Variants in PIP4K2A observed in about 807,000 individuals in gnomAD.
PIP4K2A encodes the protein phosphatidylinositol 5-phosphate 4-kinase type-2 alpha.
In PIP4K2A, 14 loss-of-function variants were observed where a neutral mutation model predicts 42.9. That is an observed-to-expected ratio of 0.33 (90% CI 0.22 to 0.51). PIP4K2A has a LOEUF of 0.51. PIP4K2A is among the 20% of genes least tolerant of loss of function. The pLI, the probability that PIP4K2A is intolerant of heterozygous loss-of-function variation, is 0.97. For missense variants in PIP4K2A, 434 were observed against 519.8 expected, an observed-to-expected ratio of 0.83 and a Z score of 1.61; for synonymous variants, 192 against 192.2, an observed-to-expected ratio of 1.00 and a Z score of 0.01.
intron 1 of PIP4K2A, among the ~76,000 whole-genome samples, chr10:22,666,857 T>G (rs924356111): frequency 6.6e-6 from 1 of 152,230 alleles, no homozygotes; most frequent in African/African-American, 2.4e-5. Context: ...AGGAATAATA[T>G]ACCAATATAG....
chr10:22,701,668 A>G (rs1241903515), intron 1 of PIP4K2A, among the ~76,000 whole-genome samples: 1 of 152,240 alleles, frequency 6.6e-6, no homozygotes, highest in East Asian at 1.9e-4. Flanking sequence ...TTCTGCTGAC[A>G]GGGTTATTCA....
intron 7 of PIP4K2A, among the ~76,000 whole-genome samples, chr10:22,544,947 C>T (rs2130748637): frequency 6.6e-6 from 1 of 152,338 alleles, no homozygotes; most frequent in Middle Eastern, 3.4e-3. Flanking sequence ...GCACACTCCT[C>T]CCCAGTGACA....
chr10:22,606,773 A>G (rs542851104), intron 3 of PIP4K2A, among the ~76,000 whole-genome samples: 2 of 152,366 alleles, frequency 1.3e-5, no homozygotes, highest in South Asian at 2.1e-4. Context: ...TTGAGGGCAG[A>G]TTAGGACTAG....
At chr10:22,629,315 T>C (rs1838504815) in intron 1 of PIP4K2A, among the ~76,000 whole-genome samples, 1 of 152,214 alleles carries the variant, frequency 6.6e-6, no homozygotes, top group African/African-American at 2.4e-5. Flanking sequence ...ACTTGCATTC[T>C]TTTCAAAAAT....
chr10:22,670,633 T>C (rs1839430077), intron 1 of PIP4K2A, among the ~76,000 whole-genome samples: 1 of 152,218 alleles, frequency 6.6e-6, no homozygotes. Flanking sequence ...TTCCATAATA[T>C]GTTATTTACA....
chr10:22,639,926 G>A (rs751913016), intron 1 of PIP4K2A, among the ~76,000 whole-genome samples: 4 of 149,620 alleles, frequency 2.7e-5, no homozygotes, highest in Non-Finnish European at 5.9e-5. Context: ...CCAATTTCCA[G>A]CCAGATATCA....
chr10:22,661,588 C>A (rs1348812260), intron 1 of PIP4K2A, among the ~76,000 whole-genome samples: 1 of 152,036 alleles, frequency 6.6e-6, no homozygotes, highest in Admixed American at 6.6e-5. Context: ...GTCTCAAATT[C>A]CTGGCCTCAA....
chr10:22,609,747 T>C (rs757691676), intron 1 of PIP4K2A, 30 bp from the exon 2 acceptor site: 20 of 1,318,956 alleles, frequency 1.5e-5, no homozygotes, highest in Non-Finnish European at 2.2e-5. Flanking sequence ...ATAGCATGGG[T>C]TATTACTATC....
chr10:22,585,338 A>T (rs1837368908), intron 4 of PIP4K2A, among the ~76,000 whole-genome samples: 1 of 152,190 alleles, frequency 6.6e-6, no homozygotes, highest in South Asian at 2.1e-4. Context: ...TTTGGGGCAA[A>T]ACTTCTGGAT....
chr10:22,579,858 G>A (rs12360229), intron 4 of PIP4K2A, among the ~76,000 whole-genome samples: 44,534 of 151,404 alleles, frequency 0.29, 7,146 homozygotes, highest in Non-Finnish European at 0.34. Flanking sequence ...GCAGTGAGCC[G>A]AGAGTGTGCC....
chr10:22,648,202 A>C (rs976156182), intron 1 of PIP4K2A, among the ~76,000 whole-genome samples: 1 of 152,198 alleles, frequency 6.6e-6, no homozygotes, highest in Non-Finnish European at 1.5e-5. Context: ...TTGTATCTTA[A>C]AATATGCTAA....
intron 4 of PIP4K2A, among the ~76,000 whole-genome samples, chr10:22,575,831 G>A (rs562256332): frequency 4.6e-5 from 7 of 151,978 alleles, no homozygotes; most frequent in East Asian, 1.9e-4. Context: ...CCAGCTACTC[G>A]GGAGGCTGAG....
intron 1 of PIP4K2A, among the ~76,000 whole-genome samples, chr10:22,644,061 A>C (rs1838832632): frequency 6.6e-6 from 1 of 152,050 alleles, no homozygotes; most frequent in Admixed American, 6.5e-5. Flanking sequence ...GATCTCTAAC[A>C]AGCATCCCCA....
chr10:22,698,068 C>G (rs752219088), intron 1 of PIP4K2A, among the ~76,000 whole-genome samples: 1 of 152,040 alleles, frequency 6.6e-6, no homozygotes, highest in Non-Finnish European at 1.5e-5. Flanking sequence ...TAGAGTCCGA[C>G]GAAGAAAAAC....
intron 1 of PIP4K2A, among the ~76,000 whole-genome samples, chr10:22,649,594 G>A (rs1838951475): frequency 6.6e-6 from 1 of 152,198 alleles, no homozygotes; most frequent in Non-Finnish European, 1.5e-5. Context: ...CAGACACAAG[G>A]AAGGAAGAAG....
chr10:22,555,422 T>TA (rs1327419276), intron 6 of PIP4K2A, among the ~76,000 whole-genome samples: 2 of 152,248 alleles, frequency 1.3e-5, no homozygotes, highest in Non-Finnish European at 2.9e-5. Context: ...CAAACGTCGT[T>TA]ATATGCTAAT....
intron 4 of PIP4K2A, among the ~76,000 whole-genome samples, chr10:22,581,306 C>G (rs1250483650): frequency 6.6e-6 from 1 of 152,202 alleles, no homozygotes; most frequent in South Asian, 2.1e-4. Flanking sequence ...GAGCTTCCAT[C>G]TGAATAGGTG....
At chr10:22,596,970 T>C (rs955379948) in intron 3 of PIP4K2A, among the ~76,000 whole-genome samples, 3 of 152,368 alleles carry the variant, frequency 2.0e-5, no homozygotes, top group African/African-American at 7.2e-5. Flanking sequence ...CACCTTCTAA[T>C]GCCAATTTAG....
intron 1 of PIP4K2A, among the ~76,000 whole-genome samples, chr10:22,622,072 T>G (rs192479177): frequency 3.9e-5 from 6 of 152,314 alleles, no homozygotes; most frequent in African/African-American, 1.2e-4. Context: ...TAAAGGAAGT[T>G]AGAGATTGGG....
Sources: gnomAD v4.1 joint callset for allele counts (sites outside exome capture counted in the v4.1 genomes callset) on GRCh38, gnomAD v4.1.1 for gene constraint, MANE v1.5 for transcripts, NCBI Gene and HGNC (gene_info 2026-07-23, HGNC 2026-07-21) for gene names.